PRAMEF20: variants seen among roughly 807,000 people sequenced by gnomAD.
The protein encoded by PRAMEF20 is PRAME family member 20.
PRAMEF20 carries 27 observed loss-of-function variants against 32.4 expected under a neutral mutation model. The ratio of observed to expected loss-of-function variants is 0.83; its 90% confidence interval spans 0.61 to 1.15. The LOEUF (loss-of-function observed/expected upper bound fraction) is 1.15, where lower values mean the gene tolerates loss of function less well. PRAMEF20 is among the 50% of genes most tolerant of loss of function. PRAMEF20 has a pLI of 0.00. For synonymous variants in PRAMEF20, 256 were observed against 235.4 expected, an observed-to-expected ratio of 1.09 and a Z score of -0.80; for missense variants, 604 against 584.5, an observed-to-expected ratio of 1.03 and a Z score of -0.34.
Position 13,420,763 on chromosome 1 carries a change from G to A in PRAMEF20, c.933G>A (p.Lys311=), listed in dbSNP as rs977084689. 2.6e-3 allele frequency: 4,220 copies of A among 1,613,882 alleles called. 9 individuals carry two copies. The highest frequency in any genetic ancestry group is 3.2e-3 in the Non-Finnish European group (3,764 of 1,179,856). The change falls in exon 3 of 3, where the codon AAG becomes AAA. Residue 311 remains lysine (K), a synonymous_variant. Transcript: ENST00000602960. ...GTGTGCTTTTGGAATCAGACTTGAA[G>A]CATCTGTCCAAGTACCCGAGCATTG...
chr1:13,417,910 T>TGTGTTTGTGTGTG (rs1369049111), intron 1 of PRAMEF20, among the ~76,000 whole-genome samples: 1 of 124,218 alleles, frequency 8.1e-6, no homozygotes, highest in Admixed American at 8.6e-5. Flanking sequence ...CCCGGCTAAT[T>TGTGTTTGTGTGTG]TGTGTGTGTG....
chr1:13,410,481 T>C, the PRAMEF20 span: 1 of 152,056 alleles, frequency 6.6e-6, no homozygotes, highest in South Asian at 2.1e-4. Flanking sequence ...AGTTTCTGCT[T>C]GGTTTTTCCT....
At chr1:13,418,055 T>C in intron 1 of PRAMEF20, 67 bp from the exon 3 acceptor site, 1 of 1,606,322 alleles carries the variant, frequency 6.2e-7, no homozygotes, top group Non-Finnish European at 8.5e-7. Flanking sequence ...ATTACAAGCG[T>C]GAGCCACTGA....
At chr1:13,420,634 C>T in intron 2 of PRAMEF20, 63 bp from the exon 4 acceptor site, 3 of 1,610,050 alleles carry the variant, frequency 1.9e-6, no homozygotes, top group South Asian at 1.1e-5. Flanking sequence ...TGAAGTCATT[C>T]CCTACCACCC....
At chr1:13,420,712 G>C (rs1641232953) in exon 3 of PRAMEF20, 5 of 1,613,838 alleles carry the variant, frequency 3.1e-6, no homozygotes, top group Non-Finnish European at 4.2e-6. Context: ...TAAAGACCTC[G>C]TTAAACATCC....
chr1:13,416,467 C>G, exon 1 of PRAMEF20: 5 of 1,614,060 alleles, frequency 3.1e-6, no homozygotes, highest in Non-Finnish European at 4.2e-6. Flanking sequence ...CTTTTTCCCC[C>G]ATTGTTCATG....
chr1:13,421,086 A>T (rs1174065425), exon 3 of PRAMEF20: 2 of 1,613,744 alleles, frequency 1.2e-6, no homozygotes, highest in Middle Eastern at 1.6e-4. Context: ...CGGGAGAGTT[A>T]TGATGTTCGT....
exon 2 of PRAMEF20, chr1:13,418,518 C>A: frequency 6.2e-7 from 1 of 1,613,948 alleles, no homozygotes; most frequent in Non-Finnish European, 8.5e-7. Context: ...CCCCATACCT[C>A]GGCCAGATGA....
the PRAMEF20 span, among the ~76,000 whole-genome samples, chr1:13,410,910 T>C: frequency 6.6e-6 from 1 of 152,088 alleles, no homozygotes; most frequent in Non-Finnish European, 1.5e-5. Context: ...CAGGCTGCAG[T>C]GCAGTGGCAT....
chr1:13,418,450 T>C (rs1641207254), exon 2 of PRAMEF20: 5 of 1,613,810 alleles, frequency 3.1e-6, no homozygotes, highest in African/African-American at 1.3e-5. Flanking sequence ...CAACCTAGAC[T>C]GTATCCAGGA....
chr1:13,420,609 C>A, intron 2 of PRAMEF20, 88 bp from the exon 4 acceptor site: 1 of 1,579,686 alleles, frequency 6.3e-7, no homozygotes, highest in Non-Finnish European at 8.7e-7. Context: ...GCAAAATGGT[C>A]TCCATCCATC....
At chr1:13,421,306 T>C (rs1044002084) in exon 3 of PRAMEF20, 17 of 1,613,020 alleles carry the variant, frequency 1.1e-5, no homozygotes, top group South Asian at 2.2e-5. Flanking sequence ...TTCTGAACAC[T>C]TGAAAACTAA....
At chr1:13,417,719 G>A (rs2100434622) in intron 1 of PRAMEF20, among the ~76,000 whole-genome samples, 1 of 145,722 alleles carries the variant, frequency 6.9e-6, no homozygotes, top group South Asian at 2.2e-4. Flanking sequence ...TGAAGTATAA[G>A]TTCAGAAGTG....
At chr1:13,417,910 T>TTGTGTG (rs71272484) in intron 1 of PRAMEF20, among the ~76,000 whole-genome samples, 3,883 of 124,190 alleles carry the variant, frequency 0.031, 111 homozygotes, top group African/African-American at 0.054. Flanking sequence ...CCCGGCTAAT[T>TTGTGTG]TGTGTGTGTG....
upstream of PRAMEF20, among the ~76,000 whole-genome samples, chr1:13,414,400 CTTAAA>C (rs1641143206): frequency 6.6e-6 from 1 of 151,878 alleles, no homozygotes; most frequent in Admixed American, 6.6e-5. Context: ...TTTGTGTGCC[CTTAAA>C]TTATAGTTCA....
chr1:13,420,472 G>C (rs944015539), intron 2 of PRAMEF20, among the ~76,000 whole-genome samples: 2 of 152,168 alleles, frequency 1.3e-5, no homozygotes, highest in African/African-American at 4.8e-5. Flanking sequence ...GCTTCCCAAA[G>C]TTCTGGGATT....
At chr1:13,416,533 C>T in exon 1 of PRAMEF20, 1 of 1,614,118 alleles carries the variant, frequency 6.2e-7, no homozygotes, top group Non-Finnish European at 8.5e-7. Context: ...CAGGCCTGGC[C>T]TTTCCTCCGC....
At chr1:13,420,839 C>T in exon 3 of PRAMEF20, 2 of 1,613,952 alleles carry the variant, frequency 1.2e-6, no homozygotes, top group South Asian at 1.1e-5. Context: ...CAATTTCAGC[C>T]TTGTGCCGCT....
chr1:13,416,201 G>A, upstream of PRAMEF20: 1 of 1,440,692 alleles, frequency 6.9e-7, no homozygotes, highest in Non-Finnish European at 9.7e-7. Flanking sequence ...TGGCCACTGA[G>A]TACAGAGTAG....
Sources: gnomAD v4.1 joint callset for allele counts (sites outside exome capture counted in the v4.1 genomes callset) on GRCh38, gnomAD v4.1.1 for gene constraint, MANE v1.5 for transcripts, NCBI Gene and HGNC (gene_info 2026-07-23, HGNC 2026-07-21) for gene names.